The following VWA8 variants were observed in gnomAD, a reference collection of about 807,000 sequenced individuals.
VWA8 encodes the protein von Willebrand factor A domain containing 8, also known as von Willebrand factor A domain-containing protein 8.
VWA8 carries 221 observed loss-of-function variants against 241.5 expected under a neutral mutation model. That is an observed-to-expected ratio of 0.91 (90% CI 0.82 to 1.02). The LOEUF (loss-of-function observed/expected upper bound fraction) is 1.02, where lower values mean the gene tolerates loss of function less well. Among genes scored for constraint, VWA8 ranks in the 50% least tolerant of loss-of-function variants. The pLI is 0.00. For synonymous variants in VWA8, 852 were observed against 827.1 expected, an observed-to-expected ratio of 1.03 and a Z score of -0.52; for missense variants, 2,322 against 2,328.7, an observed-to-expected ratio of 1.00 and a Z score of 0.06.
intron 37 of VWA8, among the ~76,000 whole-genome samples, chr13:41,668,278 G>A (rs1404594543): frequency 6.6e-6 from 1 of 152,114 alleles, no homozygotes; most frequent in Non-Finnish European, 1.5e-5. Context: ...AGACAAGAGT[G>A]TATAAGCCTT....
At chr13:41,879,306 C>G (rs1487018550) in intron 9 of VWA8, among the ~76,000 whole-genome samples, 2 of 151,046 alleles carry the variant, frequency 1.3e-5, no homozygotes, top group African/African-American at 4.9e-5. Flanking sequence ...TAATATCCAC[C>G]CTCCTCCTCT....
intron 37 of VWA8, among the ~76,000 whole-genome samples, chr13:41,617,064 T>C (rs926688056): frequency 6.6e-6 from 1 of 151,954 alleles, no homozygotes; most frequent in Non-Finnish European, 1.5e-5. Context: ...AAGGTATGAT[T>C]ACAGTCTAAA....
chr13:41,589,891 C>T (rs979510798), intron 41 of VWA8, among the ~76,000 whole-genome samples: 7 of 152,208 alleles, frequency 4.6e-5, no homozygotes, highest in Non-Finnish European at 1.0e-4. Flanking sequence ...CTCCTTTTCC[C>T]TTAAGAAGAA....
At chr13:41,930,493 C>T (rs1350935868) in intron 2 of VWA8, among the ~76,000 whole-genome samples, 1 of 152,112 alleles carries the variant, frequency 6.6e-6, no homozygotes, top group African/African-American at 2.4e-5. Flanking sequence ...AATAAAGAAA[C>T]CATGATACAG....
At chr13:41,570,045 A>G (rs2044290209) in intron 44 of VWA8, among the ~76,000 whole-genome samples, 1 of 152,156 alleles carries the variant, frequency 6.6e-6, no homozygotes, top group Non-Finnish European at 1.5e-5. Context: ...ATATATGTCT[A>G]ATATGTACAG....
chr13:41,615,129 A>T (rs898814955), intron 37 of VWA8, 45 bp from the exon 38 acceptor site: 1 of 1,597,564 alleles, frequency 6.3e-7, no homozygotes, highest in Non-Finnish European at 8.6e-7. Flanking sequence ...TGTGACAAAC[A>T]CCAGGGACTG....
rs904679305 is a variant in VWA8, at chr13:41,669,810, T to C, written c.4611+1136A>G. On this transcript the variant is annotated intron_variant, in intron 37 of 44. Transcript: ENST00000379310. ...ATGAAACAGACCATAATTAATTGGCTTTCTAAATATTGTTATGAGTAGTAA... is the reference window on the plus strand; with the variant it reads ...ATGAAACAGACCATAATTAATTGGCCTTCTAAATATTGTTATGAGTAGTAA... Among the ~76,000 whole-genome samples the C allele has an allele frequency of 2.0e-4, 31 of 152,332 alleles. 1 individual carries two copies. The highest frequency in any genetic ancestry group is 4.3e-4 in the Non-Finnish European group (29 of 68,016).
chr13:41,652,042 TG>T (rs1303735028), intron 37 of VWA8, among the ~76,000 whole-genome samples: 6 of 152,200 alleles, frequency 3.9e-5, no homozygotes, highest in Non-Finnish European at 8.8e-5. Flanking sequence ...CTCTTGAAAA[TG>T]GGAGGATAAG....
At chr13:41,835,787 A>AT (rs1871696994) in intron 12 of VWA8, among the ~76,000 whole-genome samples, 1 of 152,204 alleles carries the variant, frequency 6.6e-6, no homozygotes, top group African/African-American at 2.4e-5. Context: ...AACACACAGA[A>AT]TTTTTTAAAG....
chr13:41,583,458 A>G (rs2044396627), intron 42 of VWA8, among the ~76,000 whole-genome samples: 1 of 152,096 alleles, frequency 6.6e-6, no homozygotes, highest in Non-Finnish European at 1.5e-5. Flanking sequence ...CCTGGCCAAT[A>G]TGGTGAAACC....
chr13:41,710,907 G>C (rs187089057), intron 26 of VWA8, among the ~76,000 whole-genome samples: 1 of 152,184 alleles, frequency 6.6e-6, no homozygotes, highest in Non-Finnish European at 1.5e-5. Flanking sequence ...GTTGTTCTTT[G>C]TTAGAGAAGT....
chr13:41,813,251 G>C (rs1870547130), intron 16 of VWA8, among the ~76,000 whole-genome samples: 1 of 152,130 alleles, frequency 6.6e-6, no homozygotes, highest in Non-Finnish European at 1.5e-5. Flanking sequence ...GAAGGACAGA[G>C]AGAACTGAGA....
intron 4 of VWA8, among the ~76,000 whole-genome samples, chr13:41,906,261 C>T (rs1206152882): frequency 1.3e-5 from 2 of 152,060 alleles, no homozygotes; most frequent in Non-Finnish European, 2.9e-5. Flanking sequence ...ACAGTGTGCC[C>T]ATGCTAAAGT....
intron 2 of VWA8, among the ~76,000 whole-genome samples, chr13:41,930,434 T>C (rs186436745): frequency 1.6e-4 from 24 of 152,292 alleles, no homozygotes; most frequent in African/African-American, 5.8e-4. Context: ...TGAAGCACTA[T>C]TCACAATAGC....
intron 35 of VWA8, among the ~76,000 whole-genome samples, chr13:41,676,940 C>T (rs2045064540): frequency 6.6e-6 from 1 of 152,014 alleles, no homozygotes; most frequent in Non-Finnish European, 1.5e-5. Flanking sequence ...GCCTGTTCTG[C>T]TGTTTTTATG....
intron 17 of VWA8, among the ~76,000 whole-genome samples, chr13:41,792,409 AT>A (rs1473543349): frequency 6.6e-6 from 1 of 151,970 alleles, no homozygotes; most frequent in East Asian, 1.9e-4. Flanking sequence ...GCTACATCTT[AT>A]ATACTAAGTT....
At chr13:41,837,153 C>G (rs1871778813) in intron 12 of VWA8, among the ~76,000 whole-genome samples, 1 of 152,126 alleles carries the variant, frequency 6.6e-6, no homozygotes, top group African/African-American at 2.4e-5. Context: ...CTCCTGGCCT[C>G]CAGCAATCCT....
At chr13:41,729,484 A>G in intron 23 of VWA8, 58 bp downstream of exon 23, 1 of 1,500,750 alleles carries the variant, frequency 6.7e-7, no homozygotes, top group Non-Finnish European at 8.9e-7. Flanking sequence ...TTGTGATTTG[A>G]TACAGAGATA....
chr13:41,693,065 T>C (rs1169870793), intron 29 of VWA8, 93 bp from the exon 30 acceptor site: 1 of 746,448 alleles, frequency 1.3e-6, no homozygotes, highest in African/African-American at 1.8e-5. Flanking sequence ...ACAGTGAAGG[T>C]TATAGTGATA....
Sources: gnomAD v4.1 joint callset for allele counts (sites outside exome capture counted in the v4.1 genomes callset) on GRCh38, gnomAD v4.1.1 for gene constraint, MANE v1.5 for transcripts, NCBI Gene and HGNC (gene_info 2026-07-23, HGNC 2026-07-21) for gene names.